DENND2D: variants seen among roughly 807,000 people sequenced by gnomAD.
The protein encoded by DENND2D is DENN domain-containing protein 2D.
A neutral mutation model predicts 59.8 loss-of-function variants in DENND2D; 37 were observed. The observed-to-expected ratio is 0.62, with a 90% confidence interval of 0.48 to 0.81. The LOEUF is 0.81. DENND2D is among the 40% of genes least tolerant of loss of function. DENND2D has a pLI of 0.00. For synonymous variants in DENND2D, 219 were observed against 211.3 expected (o/e 1.04, Z -0.31); for missense variants, 525 against 579.7 (o/e 0.91, Z 0.97).
chr1:111,188,303 A>T lies in DENND2D; in HGVS notation c.1167T>A (p.His389Gln). 1 of 1,614,156 alleles carries T rather than the reference A, an allele frequency of 6.2e-7. No homozygotes were observed. Among genetic ancestry groups the T allele is most frequent in the African/African-American group, 1.3e-5 (1 of 75,040 alleles). ...CCTCCCGCTTGATATAGGAAGCATA[A>T]TGGCCCACAATCTTGACAAAGAACT... ...FVQFFVKIVG[H>Q]YASYIKREAN... The change falls in exon 11 of 12, where the codon CAT becomes CAA. Residue 389 changes from histidine (H) to glutamine (Q), a missense_variant. Transcript: ENST00000357640.
chr1:111,187,985 C>T (rs1164883077), intron 11 of DENND2D, 146 bp downstream of exon 11: 1 of 1,246,994 alleles, frequency 8.0e-7, no homozygotes, highest in Admixed American at 2.8e-5. Flanking sequence ...TCTTAGGTTT[C>T]AGGTTATGTC....
In DENND2D at chr1:111,194,684, C is replaced by T. The variant is rs1658057573; in HGVS notation, c.688G>A (p.Val230Met). The part of the protein sequence containing the change: ...TRPLDSHLEH[V>M]DFSSLLHCLS... ...CAGTGCAATAGAGAACTAAAATCCA[C>T]ATGTTCTAGGTGGGAGTCCAGGGGC... is the stretch of plus-strand genomic sequence containing the variant. Residue 230 changes from valine (V) to methionine (M), a missense_variant, in exon 7 of 12, where the codon GTG (valine) becomes ATG (methionine). Transcript: ENST00000357640. 6.2e-7 allele frequency: 1 copy of T among 1,613,892 alleles called. No individual in the cohort carries two copies. The highest frequency in any genetic ancestry group is 2.2e-5 in the East Asian group (1 of 44,892).
Position 111,198,612 on chromosome 1 carries a change from C to T in DENND2D, c.356+18G>A. 2.5e-6 allele frequency: 4 copies of T among 1,610,948 alleles called. No homozygotes were observed. The highest frequency in any genetic ancestry group is 3.4e-6 in the Non-Finnish European group (4 of 1,177,254). On this transcript the variant is annotated intron_variant, in intron 3 of 11. Transcript: ENST00000357640. ...TTCTCCCCAAATCCAATACCCTTGCCCAGGGCTGAGCAATTACCTGGGATA... is the reference window on the plus strand; with the variant it reads ...TTCTCCCCAAATCCAATACCCTTGCTCAGGGCTGAGCAATTACCTGGGATA...
At chr1:111,204,187 C>G (rs1659088892), upstream of DENND2D, 6 of 1,229,242 alleles carry the variant, frequency 4.9e-6, no homozygotes, top group South Asian at 7.5e-5. Flanking sequence ...CAACTGCTCC[C>G]GGATCTCGAC....
intron 3 of DENND2D, 25 bp from the exon 4 acceptor site, chr1:111,198,014 A>T: frequency 6.2e-7 from 1 of 1,610,338 alleles, no homozygotes; most frequent in Non-Finnish European, 8.5e-7. Context: ...ACAAGGCTTG[A>T]TTTGTATTGC....
chr1:111,204,067 T>G, upstream of DENND2D: 5 of 47,364 alleles, frequency 1.1e-4, no homozygotes, highest in East Asian at 4.5e-4. Context: ...CGCCTCCCCC[T>G]CGCCCCCTCA....
chr1:111,194,023 TAACA>T (rs1172832197), intron 7 of DENND2D, among the ~76,000 whole-genome samples: 5 of 152,212 alleles, frequency 3.3e-5, no homozygotes, highest in East Asian at 1.9e-4. Flanking sequence ...TTTAAGAAGT[TAACA>T]AACTAACTTA....
chr1:111,194,613 C>T lies in DENND2D; in HGVS notation c.759G>A (p.Leu253=). 1 of 1,614,054 alleles carries T rather than the reference C, an allele frequency of 6.2e-7. No homozygotes were observed. Among genetic ancestry groups the T allele is most frequent in the African/African-American group, 1.3e-5 (1 of 75,000 alleles). ...CCGCCAGGAAGATGATTTTTCTCTC[C>T]AGCACGGCAGAGGCAAAGATCTGAA... ...QILQIFASAV[L]ERKIIFLAEG... Residue 253 remains leucine (L), a synonymous_variant, in exon 7 of 12, where the codon CTG becomes CTA. Transcript: ENST00000357640.
chr1:111,191,905 G>T (rs1393236952), intron 8 of DENND2D, among the ~76,000 whole-genome samples: 4 of 152,200 alleles, frequency 2.6e-5, no homozygotes, highest in Non-Finnish European at 5.9e-5. Context: ...AAGGGAACCT[G>T]CATTTATTGA....
intron 4 of DENND2D, 190 bp from the exon 5 acceptor site, chr1:111,197,443 G>A: frequency 7.0e-7 from 1 of 1,432,576 alleles, no homozygotes; most frequent in Non-Finnish European, 9.1e-7. Context: ...TGAGTTGGTG[G>A]GCAAGCGCTG....
chr1:111,204,303 G>A, upstream of DENND2D: 1 of 1,481,868 alleles, frequency 6.7e-7, no homozygotes, highest in Admixed American at 2.3e-5. Context: ...AACCCCCATG[G>A]CCGCGCTTCA....
At chr1:111,190,034 G>C (rs1439257181) in intron 8 of DENND2D, among the ~76,000 whole-genome samples, 1 of 151,892 alleles carries the variant, frequency 6.6e-6, no homozygotes, top group Non-Finnish European at 1.5e-5. Flanking sequence ...TGTGGTGGCG[G>C]GCGCCTGTAG....
At chr1:111,189,292 C>T (rs746224483) in intron 8 of DENND2D, 39 bp from the exon 9 acceptor site, 2 of 1,610,828 alleles carry the variant, frequency 1.2e-6, no homozygotes, top group Non-Finnish European at 1.7e-6. Flanking sequence ...GGTCCTCTTT[C>T]TTCATAGACC....
chr1:111,188,337 G>C lies in DENND2D; in HGVS notation c.1133C>G (p.Pro378Arg), dbSNP rs1276634690. 9.9e-6 allele frequency: 16 copies of C among 1,613,910 alleles called. No homozygotes were observed. Among genetic ancestry groups the C allele is most frequent in the Admixed American group, 5.0e-5 (3 of 59,994 alleles). Reference protein sequence around the residue: ...AEQINEHVSGPFVQFFVKIVG... With the variant: ...AEQINEHVSGRFVQFFVKIVG... The stretch of plus-strand genomic sequence containing the variant: ...AATCTTGACAAAGAACTGCACAAAG[G>C]GGCCTGAAACATGCTCGTTGATTTG... The change falls in exon 11 of 12, where the codon CCC (proline) becomes CGC (arginine). Residue 378 changes from proline (P) to arginine (R), a missense_variant. Physicochemically the swap from Pro to Arg is moderately radical, Grantham distance 103. Around this residue, in one of 3 missense-constraint regions of DENND2D, gnomAD observed 225 missense variants for 252.4 expected, o/e 0.89. Coordinates refer to ENST00000357640, the MANE Select transcript of DENND2D (RefSeq NM_024901.5).
At chr1:111,192,342 A>G (rs752844557) in intron 7 of DENND2D, 25 bp from the exon 8 acceptor site, 2 of 1,543,876 alleles carry the variant, frequency 1.3e-6, no homozygotes, top group Admixed American at 3.6e-5. Context: ...AGAGGATGAG[A>G]GTCAGGGGGC....
At chr1:111,189,807 A>G (rs78536843) in intron 8 of DENND2D, among the ~76,000 whole-genome samples, 3,333 of 152,284 alleles carry the variant, frequency 0.022, 125 homozygotes, top group African/African-American at 0.076. Context: ...CCTGCTCTCT[A>G]GAACAGAGAC....
intron 8 of DENND2D, among the ~76,000 whole-genome samples, chr1:111,189,747 A>C (rs1657557530): frequency 6.6e-6 from 1 of 152,226 alleles, no homozygotes; most frequent in South Asian, 2.1e-4. Context: ...CCAAGCCTAG[A>C]CTGATATTCT....
intron 8 of DENND2D, among the ~76,000 whole-genome samples, chr1:111,190,192 C>T (rs973308222): frequency 1.5e-5 from 2 of 133,022 alleles, no homozygotes; most frequent in African/African-American, 5.6e-5. Flanking sequence ...AACTACCTCA[C>T]AGCTTTGGGC....
At position 111,188,265 on chromosome 1, in the gene DENND2D, C is replaced by A; in HGVS notation, c.1205G>T (p.Gly402Val). ...ACAGAAGGATCTTTCTTGGAAGTGGCCTTGCCCATTTGCCTCCCGCTTGAT... is the reference window on the plus strand; with the variant it reads ...ACAGAAGGATCTTTCTTGGAAGTGGACTTGCCCATTTGCCTCCCGCTTGAT... ...SYIKREANGQ[G>V]HFQERSFCKA... is the part of the protein sequence containing the mutation. The change falls in exon 11 of 12, where the codon GGC (glycine) becomes GTC (valine). Residue 402 changes from glycine (G) to valine (V), a missense_variant. Physicochemically the swap from Gly to Val is moderately radical, Grantham distance 109 (BLOSUM62 -3). Coordinates refer to ENST00000357640, the MANE Select transcript of DENND2D (RefSeq NM_024901.5). 1 of 1,614,184 alleles carries A rather than the reference C, an allele frequency of 6.2e-7. No homozygotes were observed. The highest frequency in any genetic ancestry group is 8.5e-7 in the Non-Finnish European group (1 of 1,180,032).
Sources: allele counts gnomAD v4.1 joint callset (sites outside exome capture counted in the v4.1 genomes callset), GRCh38; gene constraint gnomAD v4.1.1; regional missense constraint gnomAD v4.1.1; transcripts MANE v1.5; gene names NCBI Gene and HGNC (gene_info 2026-07-23, HGNC 2026-07-21).